Variants in SMG6 observed in about 807,000 individuals in gnomAD.
The protein encoded by SMG6 is telomerase-binding protein EST1A.
SMG6 carries 66 observed loss-of-function variants against 142.2 expected under a neutral mutation model. The ratio of observed to expected loss-of-function variants is 0.46; its 90% CI spans 0.38 to 0.57. The LOEUF is 0.57. Ranked by LOEUF, SMG6 falls within the 20% of genes least tolerant of loss-of-function variation. SMG6 has a pLI of 0.00. For missense variants in SMG6, 1,793 were observed against 1,832.0 expected (o/e 0.98, Z 0.39); for synonymous variants, 779 against 702.4 (o/e 1.11, Z -1.72).
intron 15 of SMG6, among the ~76,000 whole-genome samples, chr17:2,080,821 G>C (rs2068400221): frequency 6.6e-6 from 1 of 152,040 alleles, no homozygotes; most frequent in African/African-American, 2.4e-5. Flanking sequence ...ATTTTTAGTA[G>C]AGACAGGGTT....
chr17:2,231,764 T>C (rs1195834343), intron 10 of SMG6, among the ~76,000 whole-genome samples: 1 of 139,134 alleles, frequency 7.2e-6, no homozygotes, highest in Non-Finnish European at 1.5e-5. Context: ...GGCTCTACCT[T>C]AATCCCAGCT....
At position 2,252,412 on chromosome 17, in the gene SMG6, A is replaced by G. The variant is rs141317873; in HGVS notation, c.2662-7693T>C. 5.7e-3 allele frequency among the ~76,000 whole-genome samples: 836 copies of G among 145,394 alleles called. 2 individuals are homozygous for G. Among genetic ancestry groups the G allele is most frequent in the Middle Eastern group, 0.011 (3 of 280 alleles). On this transcript the variant is annotated intron_variant, in intron 8 of 18. Transcript: ENST00000263073. The stretch of plus-strand genomic sequence containing the variant: ...AGACTCCAACTCAAAAAAAATAAAG[A>G]AAAGAAAAGAAGGAGCCACGAATAT...
At chr17:2,086,264 T>C (rs935997686) in intron 13 of SMG6, among the ~76,000 whole-genome samples, 3 of 152,014 alleles carry the variant, frequency 2.0e-5, no homozygotes, top group African/African-American at 7.3e-5. Flanking sequence ...AAGAGTGGAG[T>C]GCTTTCACAG....
chr17:2,117,450 C>T lies in SMG6; in HGVS notation c.3358-31549G>A, dbSNP rs59366433. ...CTAGATTAAATTCTAATAAAAATGT[C>T]TTTAGGATTGAAGGATACATCAATA... On this transcript the variant is annotated intron_variant, in intron 13 of 18. Coordinates refer to ENST00000263073, the MANE Select transcript of SMG6 (RefSeq NM_017575.5). 9.6e-4 allele frequency among the ~76,000 whole-genome samples: 146 copies of T among 152,172 alleles called. 1 individual carries two copies. The highest frequency in any genetic ancestry group is 3.3e-3 in the African/African-American group (139 of 41,512).
chr17:2,070,819 T>G (rs1445952559), intron 15 of SMG6, among the ~76,000 whole-genome samples: 3 of 151,912 alleles, frequency 2.0e-5, no homozygotes, highest in Middle Eastern at 3.2e-3. Flanking sequence ...GGAGGCGGGG[T>G]CACTGACCCT....
intron 13 of SMG6, among the ~76,000 whole-genome samples, chr17:2,124,487 CAG>C (rs755492048): frequency 3.3e-5 from 5 of 152,180 alleles, no homozygotes; most frequent in Admixed American, 6.5e-5. Flanking sequence ...GGTTCCTCCG[CAG>C]AGAGTCGTAA....
intron 13 of SMG6, among the ~76,000 whole-genome samples, chr17:2,165,320 C>G (rs992539245): frequency 6.6e-6 from 1 of 152,026 alleles, no homozygotes; most frequent in African/African-American, 2.4e-5. Flanking sequence ...TGAGCGATAG[C>G]TCTGATACAG....
rs372050152 is a variant in SMG6 at position 2,297,874 on chromosome 17, G to A, written c.2029C>T (p.Leu677Phe). 1.2e-6 allele frequency: 2 copies of A among 1,610,310 alleles called. No homozygotes were observed. The highest frequency in any genetic ancestry group is 2.7e-5 in the African/African-American group (2 of 74,902). Residue 677 changes from leucine (L) to phenylalanine (F), a missense_variant, in exon 3 of 19, where the codon CTC (leucine) becomes TTC (phenylalanine). Around this residue, in one of 3 missense-constraint regions of SMG6, gnomAD observed 1,597 missense variants for 1,584.6 expected, o/e 1.01. Coordinates refer to ENST00000263073, the MANE Select transcript of SMG6 (RefSeq NM_017575.5). ...PEQIRNRLLE[L>F]LDEGSDFFDS... ...AGATGACAGTTTACCTCATCCAAGA[G>A]CTCCAAAAGTCTGTTCCGAATCTGT...
chr17:2,213,632 C>T (rs2151751346), intron 10 of SMG6: 1 of 152,306 alleles, frequency 6.6e-6, no homozygotes, highest in Non-Finnish European at 1.5e-5. Flanking sequence ...TTTTTAAATG[C>T]TTATCAAGCT....
intron 10 of SMG6, among the ~76,000 whole-genome samples, chr17:2,198,370 T>C (rs78843844): frequency 0.01 from 1,555 of 152,302 alleles, 31 homozygotes; most frequent in African/African-American, 0.034. Flanking sequence ...TTCTAAAGCA[T>C]AGAGCAGGAA....
intron 15 of SMG6, among the ~76,000 whole-genome samples, chr17:2,081,522 T>A (rs1035789307): frequency 3.9e-5 from 6 of 152,046 alleles, no homozygotes; most frequent in Admixed American, 3.9e-4. Flanking sequence ...GTGTGAAAGA[T>A]CATGTATGTG....
chr17:2,076,251 T>C (rs977040772), intron 15 of SMG6, among the ~76,000 whole-genome samples: 21 of 152,174 alleles, frequency 1.4e-4, no homozygotes, highest in African/African-American at 5.1e-4. Context: ...CCCTGGAGAC[T>C]GATGGAGTTC....
Position 2,299,219 on chromosome 17 carries a change from G to C in SMG6, c.1534C>G (p.Arg512Gly). ...TACTGGGAGGCAGGGCCTGGTGTCCGGGGGTAATAATAGGGGTTGTCAGAG... is the reference window on the plus strand; with the variant it reads ...TACTGGGAGGCAGGGCCTGGTGTCCCGGGGTAATAATAGGGGTTGTCAGAG... ...QNSDNPYYYP[R>G]TPGPASQYPY... The change falls in exon 2 of 19, where the codon CGG becomes GGG. Residue 512 changes from arginine (R) to glycine (G), a missense_variant. By Grantham distance (125) the Arg-to-Gly change is moderately radical. Around this residue, in one of 3 missense-constraint regions of SMG6, gnomAD observed 1,597 missense variants for 1,584.6 expected, o/e 1.01. Transcript: ENST00000263073. The surrounding 1 kb of genome is among the most constrained non-coding windows in gnomAD (Gnocchi z 4.3). 1 of 1,613,814 alleles carries C rather than the reference G, an allele frequency of 6.2e-7. No individual in the cohort carries two copies. Among genetic ancestry groups the C allele is most frequent in the Non-Finnish European group, 8.5e-7 (1 of 1,179,880 alleles).
intron 8 of SMG6, among the ~76,000 whole-genome samples, chr17:2,246,638 C>G (rs549388012): frequency 2.0e-5 from 3 of 152,180 alleles, no homozygotes; most frequent in Admixed American, 1.3e-4. Context: ...GCCAGGGACA[C>G]TGGGTTCCAT....
intron 14 of SMG6, among the ~76,000 whole-genome samples, chr17:2,082,671 G>C (rs1034150678): frequency 1.3e-5 from 2 of 152,208 alleles, no homozygotes; most frequent in African/African-American, 4.8e-5. Flanking sequence ...CCTACTTGCA[G>C]CCTCAGCTCT....
rs57079220 is a variant in SMG6 at position 2,242,689 on chromosome 17, TAAAAAAAAA to T, written c.2723+1960_2723+1968del. Among the ~76,000 whole-genome samples the T allele has an allele frequency of 7.3e-4, 41 of 55,854 alleles. No homozygotes were observed. The South Asian group carries it at 0.022, about 29-fold the overall frequency. 36.6% of individuals were successfully genotyped at this position (55,854 alleles called of 152,430 possible). On this transcript the variant is annotated intron_variant, in intron 9 of 18. Transcript: ENST00000263073. ...GTAACACAGACAGGCTCCATCTCTT[TAAAAAAAAA>T]AAAAAAAAAAAAAAAAAAAGAATAA...
chr17:2,159,202 T>C (rs1002898650), intron 13 of SMG6, among the ~76,000 whole-genome samples: 2 of 152,068 alleles, frequency 1.3e-5, no homozygotes, highest in African/African-American at 4.8e-5. Context: ...GGGTGGATCA[T>C]TTGAGGTCAG....
At chr17:2,079,934 G>C (rs553396342) in intron 15 of SMG6, among the ~76,000 whole-genome samples, 58 of 152,020 alleles carry the variant, frequency 3.8e-4, no homozygotes, top group Non-Finnish European at 7.1e-4. Context: ...AATTAGCTGG[G>C]TATGGTGGCA....
chr17:2,251,268 T>TAAA (rs777571597), intron 8 of SMG6, among the ~76,000 whole-genome samples: 1 of 136,510 alleles, frequency 7.3e-6, no homozygotes, highest in African/African-American at 2.7e-5. Context: ...ATATACAGAT[T>TAAA]AAAAAAAAAA....
Sources: allele counts gnomAD v4.1 joint callset (sites outside exome capture counted in the v4.1 genomes callset), GRCh38; gene constraint gnomAD v4.1.1; regional missense constraint gnomAD v4.1.1; non-coding constraint Gnocchi (gnomAD v3.1); transcripts MANE v1.5; gene names NCBI Gene and HGNC (gene_info 2026-07-23, HGNC 2026-07-21).